The following PCNX1 variants were observed in gnomAD, a reference collection of about 807,000 sequenced individuals.
PCNX1 encodes the protein pecanex 1, also known as pecanex-like protein 1.
PCNX1 carries 78 observed loss-of-function variants against 242.2 expected under a neutral mutation model. The observed-to-expected ratio is 0.32, with a 90% CI of 0.27 to 0.39. The LOEUF is 0.39. PCNX1 is among the 10% of genes least tolerant of loss of function. The probability of loss-of-function intolerance (pLI) is 1.00; values close to 1 mark genes in which losing one functional copy is unlikely to be tolerated. For missense variants in PCNX1, 2,581 were observed against 2,856.5 expected, an observed-to-expected ratio of 0.90 and a Z score of 2.20; for synonymous variants, 1,024 against 1,032.9, an observed-to-expected ratio of 0.99 and a Z score of 0.17.
chr14:71,051,183 AAAAAAAAAAAAAAAAT>A, intron 23 of PCNX1, among the ~76,000 whole-genome samples: 1 of 150,178 alleles, frequency 6.7e-6, no homozygotes, highest in Admixed American at 6.7e-5. Context: ...AAAAAAAAAA[AAAAAAAAAAAAAAAAT>A]CATAACCTTT....
At position 71,111,955 on chromosome 14, in the gene PCNX1, T is replaced by G. The variant is rs2062760870; in HGVS notation, c.*2020T>G. On this transcript the variant is annotated 3_prime_UTR_variant, in exon 36 of 36. Coordinates refer to ENST00000304743, the MANE Select transcript of PCNX1 (RefSeq NM_014982.3). Reference sequence around the variant, plus strand: ...GCAGATCTACAGTATGCCATTAAAGTTTAGTGTTGTTTTTGGTTTTGGAGG... The same window carrying G: ...GCAGATCTACAGTATGCCATTAAAGGTTAGTGTTGTTTTTGGTTTTGGAGG... The G allele has an allele frequency of 6.6e-6, 1 of 152,518 alleles. No individual in the cohort carries two copies. The highest frequency in any genetic ancestry group is 1.5e-5 in the Non-Finnish European group (1 of 67,946). The allele number at this position is 152,518 out of a possible 1,614,324, so 9.4% of individuals were successfully genotyped here. A position where few individuals can be genotyped will look rare whatever the true frequency, so the allele number is the denominator to read the frequency against.
chr14:70,938,886 A>G (rs1232258324), intron 1 of PCNX1, among the ~76,000 whole-genome samples: 7 of 152,208 alleles, frequency 4.6e-5, no homozygotes, highest in Middle Eastern at 3.4e-3. Context: ...GAATTTATCC[A>G]TTTCTTCTAG....
chr14:70,946,894 C>A (rs371495763), intron 1 of PCNX1, 21 bp from the exon 2 acceptor site: 3 of 1,456,132 alleles, frequency 2.1e-6, no homozygotes, highest in Non-Finnish European at 2.9e-6. Flanking sequence ...AATGTATTTC[C>A]TTATTTTCTT....
intron 33 of PCNX1, among the ~76,000 whole-genome samples, chr14:71,106,534 TCTTTC>T (rs2062627192): frequency 6.6e-6 from 1 of 151,654 alleles, no homozygotes; most frequent in Non-Finnish European, 1.5e-5. Context: ...ATGCCAAAAA[TCTTTC>T]CAGAAAGGTT....
chr14:70,978,248 G>A lies in PCNX1; in HGVS notation c.1911G>A (p.Glu637=). Reference sequence around the variant, plus strand: ...CTTCTCATTCCTGTCAGTCTCCTGAGGGCAGATACAGTGCTCTAAAGACCA... The same window carrying A: ...CTTCTCATTCCTGTCAGTCTCCTGAAGGCAGATACAGTGCTCTAAAGACCA... The part of the protein sequence containing the change: ...STTSHSCQSP[E]GRYSALKTKH... The change falls in exon 6 of 36, where the codon GAG becomes GAA. Residue 637 remains glutamate, a synonymous_variant. Coordinates refer to ENST00000304743, the MANE Select transcript of PCNX1 (RefSeq NM_014982.3). 1 of 1,614,028 alleles carries A rather than the reference G, an allele frequency of 6.2e-7. No homozygotes were observed. Among genetic ancestry groups the A allele is most frequent in the Non-Finnish European group, 8.5e-7 (1 of 1,180,018 alleles).
At chr14:71,024,776 T>A (rs2060195505) in intron 13 of PCNX1, among the ~76,000 whole-genome samples, 1 of 152,166 alleles carries the variant, frequency 6.6e-6, no homozygotes, top group South Asian at 2.1e-4. Context: ...GTAGGATGTT[T>A]GGCATCCTCT....
chr14:71,013,567 T>G (rs183511049), intron 11 of PCNX1, among the ~76,000 whole-genome samples: 37 of 151,794 alleles, frequency 2.4e-4, no homozygotes, highest in Non-Finnish European at 1.0e-4. Flanking sequence ...CCCTGGTTCT[T>G]AACACTACTC....
At chr14:70,968,951 T>C (rs1255312655) in intron 4 of PCNX1, 70 bp from the exon 5 acceptor site, 4 of 839,972 alleles carry the variant, frequency 4.8e-6, no homozygotes, top group Non-Finnish European at 8.2e-6. Context: ...GTATTAATAC[T>C]CCTTGGTTAT....
intron 1 of PCNX1, among the ~76,000 whole-genome samples, chr14:70,944,224 G>C (rs184264598): frequency 1.5e-4 from 23 of 152,224 alleles, no homozygotes; most frequent in Admixed American, 1.3e-3. Context: ...CAGACACTCA[G>C]TGCAAGCCCA....
At chr14:70,943,850 A>G (rs1196861269) in intron 1 of PCNX1, among the ~76,000 whole-genome samples, 1 of 152,176 alleles carries the variant, frequency 6.6e-6, no homozygotes, top group African/African-American at 2.4e-5. Flanking sequence ...CCTGTGGTTA[A>G]AAGGGGCCAA....
At chr14:71,000,905 T>A (rs147221824) in intron 8 of PCNX1, among the ~76,000 whole-genome samples, 1 of 152,326 alleles carries the variant, frequency 6.6e-6, no homozygotes, top group Non-Finnish European at 1.5e-5. Flanking sequence ...TAGTGGACTC[T>A]GGAGCCAAAC....
intron 1 of PCNX1, among the ~76,000 whole-genome samples, chr14:70,926,486 T>C (rs944484926): frequency 6.6e-6 from 1 of 152,210 alleles, no homozygotes; most frequent in Admixed American, 6.5e-5. Flanking sequence ...TTGCTGCCAA[T>C]TGGCTGCATG....
chr14:71,007,544 G>T (rs1814522654), intron 8 of PCNX1, among the ~76,000 whole-genome samples: 1 of 152,088 alleles, frequency 6.6e-6, no homozygotes, highest in Admixed American at 6.5e-5. Context: ...TGTTCTTACT[G>T]AGTTTCATAT....
chr14:71,030,106 A>G (rs1423100605), intron 16 of PCNX1, among the ~76,000 whole-genome samples: 1 of 152,126 alleles, frequency 6.6e-6, no homozygotes, highest in Non-Finnish European at 1.5e-5. Context: ...TTTAATTTTT[A>G]TCAGAGTTGT....
At chr14:71,088,241 CT>C in intron 28 of PCNX1, 88 bp from the exon 29 acceptor site, 1 of 672,288 alleles carries the variant, frequency 1.5e-6, no homozygotes, top group South Asian at 2.0e-5. Flanking sequence ...TCTTTGAATT[CT>C]TTATCATTTC....
chr14:71,035,953 C>A, intron 18 of PCNX1, 112 bp from the exon 19 acceptor site: 2 of 654,332 alleles, frequency 3.1e-6, no homozygotes, highest in Non-Finnish European at 2.7e-6. Flanking sequence ...TTAATACTGA[C>A]TGAGCTAGCC....
chr14:70,954,973 G>GT (rs1286572060), intron 2 of PCNX1, among the ~76,000 whole-genome samples: 1 of 152,148 alleles, frequency 6.6e-6, no homozygotes, highest in East Asian at 1.9e-4. Context: ...AAATACTTGT[G>GT]TATCTAGATC....
intron 5 of PCNX1, among the ~76,000 whole-genome samples, chr14:70,976,368 CTTTCTTTTTTTTT>C (rs1481691602): frequency 7.5e-6 from 1 of 134,152 alleles, no homozygotes; most frequent in Non-Finnish European, 1.6e-5. Flanking sequence ...TTCTTTCTTT[CTTTCTTTTTTTTT>C]TTTTTTTTTG....
At chr14:71,094,880 A>G (rs534652969) in intron 30 of PCNX1, among the ~76,000 whole-genome samples, 4 of 151,568 alleles carry the variant, frequency 2.6e-5, no homozygotes, top group Middle Eastern at 3.4e-3. Flanking sequence ...ACAGTGAGCT[A>G]TGATTGCATC....
Sources: gnomAD v4.1 joint callset for allele counts (sites outside exome capture counted in the v4.1 genomes callset) on GRCh38, gnomAD v4.1.1 for gene constraint, MANE v1.5 for transcripts, NCBI Gene and HGNC (gene_info 2026-07-23, HGNC 2026-07-21) for gene names.